Variants in SPTBN1 observed in about 807,000 individuals in gnomAD.
SPTBN1 encodes the protein spectrin beta, non-erythrocytic 1.
A neutral mutation model predicts 266.4 loss-of-function variants in SPTBN1; 32 were observed. The ratio of observed to expected loss-of-function variants is 0.12; its 90% CI spans 0.09 to 0.16. The LOEUF is 0.16. Ranked by LOEUF, SPTBN1 falls within the 10% of genes least tolerant of loss-of-function variation. The probability of loss-of-function intolerance (pLI) is 1.00; values close to 1 mark genes in which losing one functional copy is unlikely to be tolerated. For missense variants in SPTBN1, 2,296 were observed against 3,067.1 expected, an observed-to-expected ratio of 0.75 and a Z score of 5.94; for synonymous variants, 1,336 against 1,162.2, an observed-to-expected ratio of 1.15 and a Z score of -3.04.
At position 54,533,110 on chromosome 2, in the gene SPTBN1, C is replaced by T. The variant is rs1038279183; in HGVS notation, c.148+6544C>T. ...CTGACAGTTAATCTGATAATCAAGA[C>T]GGCTGCTAAGTGACTAACAGGGAGC... is the stretch of plus-strand genomic sequence containing the variant. On this transcript the variant is annotated intron_variant, in intron 2 of 35. Transcript: ENST00000356805. This position sits in a 1 kb window ranked among gnomAD's most constrained non-coding sequence, Gnocchi z 4.2. Among the ~76,000 whole-genome samples the T allele has an allele frequency of 5.3e-5, 8 of 151,774 alleles. No homozygotes were observed. The highest frequency in any genetic ancestry group is 1.2e-4 in the African/African-American group (5 of 41,424).
intron 7 of SPTBN1, among the ~76,000 whole-genome samples, chr2:54,620,709 C>G (rs1677935717): frequency 6.6e-6 from 1 of 152,132 alleles, no homozygotes; most frequent in African/African-American, 2.4e-5. Flanking sequence ...TTAGAAATGT[C>G]TAGACCAATG....
intron 1 of SPTBN1, among the ~76,000 whole-genome samples, chr2:54,464,974 G>A (rs190902667): frequency 6.6e-6 from 1 of 152,214 alleles, no homozygotes; most frequent in Admixed American, 6.5e-5. Flanking sequence ...TTACAAATGT[G>A]AGCCACCGTG....
In SPTBN1 at chr2:54,532,996, T is replaced by C. The variant is rs533934658; in HGVS notation, c.148+6430T>C. Among the ~76,000 whole-genome samples the C allele has an allele frequency of 2.0e-3, 310 of 152,168 alleles. 1 individual carries two copies. The highest frequency in any genetic ancestry group is 3.7e-3 in the Non-Finnish European group (251 of 68,022). On this transcript the variant is annotated intron_variant, in intron 2 of 35. Transcript: ENST00000356805. ...TTTTCTTGTTGAGAACTTTTACTTT[T>C]TCACTTAAAGGAAGCATTTGACAGT... is the stretch of plus-strand genomic sequence containing the variant.
intron 1 of SPTBN1, among the ~76,000 whole-genome samples, chr2:54,521,487 A>G (rs1350128460): frequency 6.6e-6 from 1 of 152,196 alleles, no homozygotes; most frequent in East Asian, 1.9e-4. Context: ...TGGACACTTG[A>G]GTGAAACAGT....
At chr2:54,617,453 A>T (rs989519989) in intron 5 of SPTBN1, among the ~76,000 whole-genome samples, 155 bp from the exon 6 acceptor site, 1 of 152,204 alleles carries the variant, frequency 6.6e-6, no homozygotes, top group Non-Finnish European at 1.5e-5. Context: ...GCTCGAGTTG[A>T]CGGATTATTT....
In SPTBN1 at chr2:54,664,312, G is replaced by T; in HGVS notation, c.6421-141G>T. The T allele has an allele frequency of 1.3e-6, 1 of 796,858 alleles. No homozygotes were observed. Among genetic ancestry groups the T allele is most frequent in the Non-Finnish European group, 2.0e-6 (1 of 493,682 alleles). The allele number at this position is 796,858 out of a possible 1,614,324, so 49.4% of individuals were successfully genotyped here. Reference sequence around the variant, plus strand: ...ATGTCCTTGATGTCCAGCTGGCTTTGTGGGTGTGCAATGGTTTTACTGTAC... The same window carrying T: ...ATGTCCTTGATGTCCAGCTGGCTTTTTGGGTGTGCAATGGTTTTACTGTAC... On this transcript the variant is annotated intron_variant, in intron 32 of 35. Transcript: ENST00000356805. This position sits in a 1 kb window ranked among gnomAD's most constrained non-coding sequence, Gnocchi z 5.6.
At chr2:54,537,308 G>A (rs1671671845) in intron 2 of SPTBN1, among the ~76,000 whole-genome samples, 1 of 152,156 alleles carries the variant, frequency 6.6e-6, no homozygotes, top group Admixed American at 6.5e-5. Flanking sequence ...CTTGTTTCCT[G>A]TAGTTCAAAT....
intron 2 of SPTBN1, among the ~76,000 whole-genome samples, chr2:54,536,163 C>T (rs1209017892): frequency 1.3e-5 from 2 of 152,164 alleles, no homozygotes; most frequent in Admixed American, 6.5e-5. Flanking sequence ...CACAGTTAAC[C>T]CCTTTGCCAG....
intron 2 of SPTBN1, among the ~76,000 whole-genome samples, chr2:54,562,772 G>T (rs910380873): frequency 9.3e-5 from 14 of 150,324 alleles, no homozygotes; most frequent in Non-Finnish European, 1.9e-4. Context: ...TGCCCAAACT[G>T]GTCTTGAACT....
chr2:54,644,962 G>A (rs1007544912), intron 20 of SPTBN1, among the ~76,000 whole-genome samples: 10 of 152,304 alleles, frequency 6.6e-5, no homozygotes, highest in Middle Eastern at 6.8e-3. Context: ...ACAGTTATCT[G>A]AGTTGTTCAA....
In SPTBN1 at chr2:54,649,150, C is replaced by T; in HGVS notation, c.5162C>T (p.Ala1721Val). Residue 1721 changes from alanine to valine, a missense_variant, in exon 25 of 36, where the codon GCA (alanine) becomes GTA (valine). Ala to Val is a moderately conservative substitution (Grantham distance 64). Coordinates refer to ENST00000356805, the MANE Select transcript of SPTBN1 (RefSeq NM_003128.3). This position sits in a 1 kb window ranked among gnomAD's most constrained non-coding sequence, Gnocchi z 6.7. ...TGGATCGCTGAGAGGGAGGTGGTCG[C>T]AGGGTCCCATGAACTGGGACAGGAC... ...EQWIAEREVV[A>V]GSHELGQDYE... The T allele has an allele frequency of 6.2e-7, 1 of 1,611,622 alleles. No homozygotes were observed. The highest frequency in any genetic ancestry group is 8.5e-7 in the Non-Finnish European group (1 of 1,178,346).
rs973956469 is a variant in SPTBN1, at chr2:54,533,434, C to T, written c.148+6868C>T. ...CTTCTAGTGAACGAACAGAGCCAACCTCTTCCTGAATATGTAAAGAAATCT... is the reference window on the plus strand; with the variant it reads ...CTTCTAGTGAACGAACAGAGCCAACTTCTTCCTGAATATGTAAAGAAATCT... On this transcript the variant is annotated intron_variant, in intron 2 of 35. Coordinates refer to ENST00000356805, the MANE Select transcript of SPTBN1 (RefSeq NM_003128.3). The surrounding 1 kb of genome is among the most constrained non-coding windows in gnomAD (Gnocchi z 4.2). Among the ~76,000 whole-genome samples the T allele has an allele frequency of 1.3e-5, 2 of 151,448 alleles. No homozygotes were observed. Among genetic ancestry groups the T allele is most frequent in the Non-Finnish European group, 2.9e-5 (2 of 67,926 alleles).
At position 54,668,447 on chromosome 2, in the gene SPTBN1, C is replaced by T. The variant is rs751427822; in HGVS notation, c.6973C>T (p.Arg2325Cys). The T allele has an allele frequency of 1.2e-5, 20 of 1,614,206 alleles. No individual in the cohort carries two copies. Among genetic ancestry groups the T allele is most frequent in the Admixed American group, 6.7e-5 (4 of 60,024 alleles). Residue 2325 changes from arginine (R) to cysteine (C), a missense_variant, in exon 36 of 36, where the codon CGC (arginine) becomes TGC (cysteine). By Grantham distance (180) the Arg-to-Cys change is radical. Around this residue, in one of 12 missense-constraint regions of SPTBN1, gnomAD observed 347 missense variants for 368.5 expected, o/e 0.94. Transcript: ENST00000356805. ...CACCCAGAGCACGCCAGCATCCAGC[C>T]GCGCGCAGACCCTCCCCACCAGCGT... Reference protein sequence around the residue: ...ASTQSTPASSRAQTLPTSVVT... With the variant: ...ASTQSTPASSCAQTLPTSVVT...
chr2:54,478,522 G>A (rs1170885614), intron 1 of SPTBN1, among the ~76,000 whole-genome samples: 3 of 152,254 alleles, frequency 2.0e-5, no homozygotes, highest in Non-Finnish European at 4.4e-5. Context: ...GTAGATCTTA[G>A]TACATCCACA....
In SPTBN1 at chr2:54,649,785, G is replaced by C; in HGVS notation, c.5373G>C (p.Leu1791=). The C allele has an allele frequency of 6.2e-7, 1 of 1,614,186 alleles. No homozygotes were observed. Among genetic ancestry groups the C allele is most frequent in the Non-Finnish European group, 8.5e-7 (1 of 1,180,032 alleles). The stretch of plus-strand genomic sequence containing the variant: ...TCAATGAAGCCTGGGCCGACCTCCT[G>C]GAGCTCATTGACACAAGAACACAGA... ...DGLNEAWADL[L]ELIDTRTQIL... The change falls in exon 26 of 36, where the codon CTG becomes CTC. Residue 1791 remains leucine (L), a synonymous_variant. Transcript: ENST00000356805. The surrounding 1 kb of genome is among the most constrained non-coding windows in gnomAD (Gnocchi z 6.7).
In SPTBN1 at chr2:54,558,550, A is replaced by C; in HGVS notation, c.148+31984A>C. The C allele has an allele frequency of 7.7e-7, 1 of 1,304,452 alleles. No homozygotes were observed. Among genetic ancestry groups the C allele is most frequent in the Non-Finnish European group, 9.8e-7 (1 of 1,023,964 alleles). 80.8% of individuals were successfully genotyped at this position (1,304,452 alleles called of 1,614,324 possible). ...CGAGCTTCCAGGCAAGGGCCACGGA[A>C]GAAGGGAAAGCAAGAAATTAGATGC... On this transcript the variant is annotated intron_variant, in intron 2 of 35. Transcript: ENST00000356805. This position sits in a 1 kb window ranked among gnomAD's most constrained non-coding sequence, Gnocchi z 4.6.
At chr2:54,557,417 G>C (rs946170125) in intron 2 of SPTBN1, among the ~76,000 whole-genome samples, 3 of 148,754 alleles carry the variant, frequency 2.0e-5, no homozygotes, top group Admixed American at 2.0e-4. Context: ...GGTGGAGAGA[G>C]AGGGGGGAGA....
intron 31 of SPTBN1, among the ~76,000 whole-genome samples, 162 bp downstream of exon 31, chr2:54,659,428 C>T (rs540499757): frequency 1.9e-4 from 29 of 152,240 alleles, no homozygotes; most frequent in African/African-American, 7.0e-4. Flanking sequence ...CCCTAAATAA[C>T]CTTGGAGGGC....
At chr2:54,474,294 C>A (rs1667690560) in intron 1 of SPTBN1, among the ~76,000 whole-genome samples, 1 of 152,090 alleles carries the variant, frequency 6.6e-6, no homozygotes, top group African/African-American at 2.4e-5. Flanking sequence ...TGGTGATAAC[C>A]TAAAAGTCCA....
Sources: allele counts gnomAD v4.1 joint callset (sites outside exome capture counted in the v4.1 genomes callset), GRCh38; gene constraint gnomAD v4.1.1; regional missense constraint gnomAD v4.1.1; non-coding constraint Gnocchi (gnomAD v3.1); transcripts MANE v1.5; gene names NCBI Gene and HGNC (gene_info 2026-07-23, HGNC 2026-07-21).